Variants in PPP1R37 observed in about 807,000 individuals in gnomAD.
PPP1R37 encodes the protein protein phosphatase 1 regulatory subunit 37.
Under a neutral mutation model 61.0 loss-of-function variants are expected in PPP1R37, and 21 were observed. The ratio of observed to expected loss-of-function variants is 0.34; its 90% CI spans 0.24 to 0.50. PPP1R37 has a LOEUF of 0.50. Ranked by LOEUF, PPP1R37 falls within the 20% of genes least tolerant of loss-of-function variation. The probability of loss-of-function intolerance (pLI) is 0.98; values close to 1 mark genes in which losing one functional copy is unlikely to be tolerated. For missense variants in PPP1R37, 910 were observed against 952.7 expected, an observed-to-expected ratio of 0.96 and a Z score of 0.59; for synonymous variants, 443 against 433.5, an observed-to-expected ratio of 1.02 and a Z score of -0.27.
intron 1 of PPP1R37, among the ~76,000 whole-genome samples, chr19:45,111,835 T>C (rs576636339): frequency 1.3e-5 from 2 of 152,054 alleles, no homozygotes; most frequent in South Asian, 4.2e-4. Flanking sequence ...AGGGAAAGGG[T>C]CATCAGGTGG....
chr19:45,117,600 G>C (rs1371930211), intron 1 of PPP1R37, among the ~76,000 whole-genome samples: 1 of 152,076 alleles, frequency 6.6e-6, no homozygotes, highest in Admixed American at 6.5e-5. Flanking sequence ...TGATCTCAGG[G>C]AGTCTCCCTG....
At chr19:45,117,048 G>T (rs1384025521) in intron 1 of PPP1R37, among the ~76,000 whole-genome samples, 1 of 152,026 alleles carries the variant, frequency 6.6e-6, no homozygotes, top group African/African-American at 2.4e-5. Context: ...AAGTATCTGG[G>T]ACTACAGGCA....
intron 1 of PPP1R37, 106 bp downstream of exon 1, chr19:45,093,633 T>C (rs758123342): frequency 1.3e-6 from 1 of 770,506 alleles, no homozygotes; most frequent in African/African-American, 1.8e-5. Flanking sequence ...TTGCACCTAA[T>C]GGTGAATAAG....
rs1967942986 is a variant in PPP1R37 at position 45,093,196 on chromosome 19, G to C, written c.-130G>C. The C allele has an allele frequency of 6.6e-6, 5 of 756,042 alleles. No individual in the cohort carries two copies. Among genetic ancestry groups the C allele is most frequent in the South Asian group, 6.4e-5 (2 of 31,420 alleles). 46.8% of individuals were successfully genotyped at this position (756,042 alleles called of 1,614,324 possible). A position where few individuals can be genotyped will look rare whatever the true frequency, so the allele number is the denominator to read the frequency against. ...CCGGCGGCGACGACTACGACCACTA[G>C]GAGAGCGGACGGAGGCGGCGCCTGA... On this transcript the variant is annotated 5_prime_UTR_variant, in exon 1 of 13. Coordinates refer to ENST00000221462, the MANE Select transcript of PPP1R37 (RefSeq NM_019121.2).
chr19:45,118,480 C>T (rs896026298), intron 1 of PPP1R37, among the ~76,000 whole-genome samples: 5 of 151,654 alleles, frequency 3.3e-5, no homozygotes, highest in Non-Finnish European at 5.9e-5. Context: ...TTCTGACCCT[C>T]CTCTTCTTTG....
chr19:45,143,687 A>C, intron 8 of PPP1R37, 54 bp downstream of exon 8: 1 of 1,050,474 alleles, frequency 9.5e-7, no homozygotes, highest in African/African-American at 1.6e-5. Flanking sequence ...GCCACCTCCC[A>C]CTCCAGCTCT....
intron 4 of PPP1R37, 126 bp from the exon 5 acceptor site, chr19:45,141,196 C>T (rs535620029): frequency 4.7e-6 from 5 of 1,063,194 alleles, no homozygotes; most frequent in Non-Finnish European, 6.5e-6. Context: ...GCTTGTCCTC[C>T]TCTCCCGTGT....
intron 2 of PPP1R37, among the ~76,000 whole-genome samples, chr19:45,138,843 G>C (rs1023649673): frequency 6.7e-6 from 1 of 149,960 alleles, no homozygotes; most frequent in Non-Finnish European, 1.5e-5. Context: ...AAGAAACGCT[G>C]TTCCCTGGGG....
Position 45,146,487 on chromosome 19 carries a change from C to A in PPP1R37, c.*8+7C>A. On this transcript the variant is annotated splice_region_variant and intron_variant, in intron 12 of 12. Transcript: ENST00000221462. The stretch of plus-strand genomic sequence containing the variant: ...AGACACTGTGACACTTTAGGTGAGG[C>A]CAGGCCCGGGGCCCACAGCACTCGG... 1 of 1,530,262 alleles carries A rather than the reference C, an allele frequency of 6.5e-7. No homozygotes were observed. Among genetic ancestry groups the A allele is most frequent in the African/African-American group, 1.4e-5 (1 of 72,942 alleles). 94.8% of individuals were successfully genotyped at this position (1,530,262 alleles called of 1,614,324 possible). A position where few individuals can be genotyped will look rare whatever the true frequency, so the allele number is the denominator to read the frequency against.
chr19:45,145,940 G>A lies in PPP1R37; in HGVS notation c.1884G>A (p.Arg628=), dbSNP rs1968692407. The change falls in exon 11 of 13, where the codon CGG becomes CGA. Residue 628 remains arginine (R), a synonymous_variant. Coordinates refer to ENST00000221462, the MANE Select transcript of PPP1R37 (RefSeq NM_019121.2). ...CTCAGCCACCACCGGAGCCGCCTCGGTCAGGGCCACCACTGCCCAACGGCC... is the reference window on the plus strand; with the variant it reads ...CTCAGCCACCACCGGAGCCGCCTCGATCAGGGCCACCACTGCCCAACGGCC... ...SEPQPPPEPP[R]SGPPLPNGLK... The A allele has an allele frequency of 6.5e-7, 1 of 1,534,734 alleles. No homozygotes were observed. The highest frequency in any genetic ancestry group is 2.0e-5 in the Admixed American group (1 of 50,926).
At chr19:45,113,203 G>A (rs1968223525) in intron 1 of PPP1R37, among the ~76,000 whole-genome samples, 1 of 152,190 alleles carries the variant, frequency 6.6e-6, no homozygotes, top group Non-Finnish European at 1.5e-5. Context: ...AGAGGGTGAG[G>A]GCAGGAAGAT....
chr19:45,139,583 A>G (rs1371165376), intron 2 of PPP1R37, among the ~76,000 whole-genome samples: 3 of 152,302 alleles, frequency 2.0e-5, no homozygotes, highest in South Asian at 4.1e-4. Context: ...GCTGGAAGCA[A>G]CCACGCTCCT....
intron 1 of PPP1R37, among the ~76,000 whole-genome samples, chr19:45,125,822 G>A (rs948200385): frequency 3.9e-5 from 6 of 152,236 alleles, no homozygotes; most frequent in Non-Finnish European, 8.8e-5. Context: ...TCCACCCAGG[G>A]GAAGACAGGA....
In PPP1R37 at chr19:45,145,139, T is replaced by C; in HGVS notation, c.1175T>C (p.Leu392Pro). Residue 392 changes from leucine (L) to proline (P), a missense_variant, in exon 10 of 13, where the codon CTG (leucine) becomes CCG (proline). By Grantham distance (98) the Leu-to-Pro change is moderately conservative (BLOSUM62 -3). Transcript: ENST00000221462. ...TTCATCGCTGAGAGCCCCCGCCTCC[T>C]GAGACTGGACCTTCGGGAGAACGAG... ...AEFIAESPRL[L>P]RLDLRENEIK... 5 of 1,534,750 alleles carry C rather than the reference T, an allele frequency of 3.3e-6. No homozygotes were observed. The highest frequency in any genetic ancestry group is 4.4e-6 in the Non-Finnish European group (5 of 1,146,308).
At chr19:45,143,685 C>T in intron 8 of PPP1R37, 52 bp downstream of exon 8, 4 of 1,070,412 alleles carry the variant, frequency 3.7e-6, no homozygotes, top group South Asian at 2.7e-5. Context: ...CTGCCACCTC[C>T]CACTCCAGCT....
At chr19:45,122,513 G>A (rs747001170) in intron 1 of PPP1R37, among the ~76,000 whole-genome samples, 1 of 152,226 alleles carries the variant, frequency 6.6e-6, no homozygotes, top group Non-Finnish European at 1.5e-5. Flanking sequence ...TAAATGCACA[G>A]ATCAGTACGC....
chr19:45,094,370 TTC>T (rs1967964989), intron 1 of PPP1R37, among the ~76,000 whole-genome samples: 9 of 152,326 alleles, frequency 5.9e-5, no homozygotes, highest in African/African-American at 1.9e-4. Context: ...CTGTCAGTCA[TTC>T]AGGAGCAGAG....
At chr19:45,115,144 A>G (rs1382159319) in intron 1 of PPP1R37, among the ~76,000 whole-genome samples, 1 of 152,196 alleles carries the variant, frequency 6.6e-6, no homozygotes, top group Non-Finnish European at 1.5e-5. Context: ...CTTATTGTCC[A>G]GAGAGAGGGA....
rs540676651 is a variant in PPP1R37 at position 45,121,389 on chromosome 19, A to G, written c.203-17125A>G. ...AGCCATGGCCCTCGGCTGTAAGCCC[A>G]GAAACAGACCCCTGCAGAATTTGTA... On this transcript the variant is annotated intron_variant, in intron 1 of 12. Transcript: ENST00000221462. The surrounding 1 kb of genome is among the most constrained non-coding windows in gnomAD (Gnocchi z 4.2). Among the ~76,000 whole-genome samples, 200 of 152,394 alleles carry G rather than the reference A, an allele frequency of 1.3e-3. 1 individual carries two copies. Among genetic ancestry groups the G allele is most frequent in the African/African-American group, 4.5e-3 (187 of 41,596 alleles).
Sources: allele counts gnomAD v4.1 joint callset (sites outside exome capture counted in the v4.1 genomes callset), GRCh38; gene constraint gnomAD v4.1.1; non-coding constraint Gnocchi (gnomAD v3.1); transcripts MANE v1.5; gene names NCBI Gene and HGNC (gene_info 2026-07-23, HGNC 2026-07-21).